The following KANK2 variants were observed in gnomAD, a reference collection of about 807,000 sequenced individuals.
The protein encoded by KANK2 is KN motif and ankyrin repeat domain-containing protein 2.
KANK2 carries 41 observed loss-of-function variants against 74.6 expected under a neutral mutation model. That is an observed-to-expected ratio of 0.55 (90% confidence interval 0.43 to 0.71). The LOEUF is 0.71. Ranked by LOEUF, KANK2 falls within the 30% of genes least tolerant of loss-of-function variation. The pLI, the probability that KANK2 is intolerant of heterozygous loss-of-function variation, is 0.00. For synonymous variants in KANK2, 537 were observed against 519.0 expected (o/e 1.03, Z -0.47); for missense variants, 1,148 against 1,196.4 (o/e 0.96, Z 0.60).
At chr19:11,190,419 G>C (rs2078808707) in intron 4 of KANK2, among the ~76,000 whole-genome samples, 1 of 151,996 alleles carries the variant, frequency 6.6e-6, no homozygotes, top group Non-Finnish European at 1.5e-5. Flanking sequence ...TGATGTTCTG[G>C]GTTTGGATAC....
chr19:11,182,266 G>A (rs1010309284), intron 4 of KANK2, among the ~76,000 whole-genome samples: 16 of 151,466 alleles, frequency 1.1e-4, no homozygotes, highest in Non-Finnish European at 1.9e-4. Context: ...TGTAAATGGC[G>A]AAAAAATTTG....
At chr19:11,174,957 CTTTT>C (rs573242892) in intron 8 of KANK2, among the ~76,000 whole-genome samples, 1 of 140,912 alleles carries the variant, frequency 7.1e-6, no homozygotes, top group Admixed American at 7.1e-5. Flanking sequence ...CTCTCTCTCT[CTTTT>C]TTTTTTTTTT....
chr19:11,186,628 G>C (rs1489235279), intron 4 of KANK2, among the ~76,000 whole-genome samples: 1 of 152,102 alleles, frequency 6.6e-6, no homozygotes, highest in African/African-American at 2.4e-5. Flanking sequence ...GAACCCGGGA[G>C]GTGGAGGTTG....
intron 9 of KANK2, 142 bp from the exon 10 acceptor site, chr19:11,173,265 G>A: frequency 1.2e-6 from 1 of 808,650 alleles, no homozygotes; most frequent in South Asian, 2.8e-5. Context: ...CTGCCCTAGA[G>A]GTCTCCATCT....
intron 12 of KANK2, among the ~76,000 whole-genome samples, chr19:11,168,445 A>G (rs1331628479): frequency 6.6e-6 from 1 of 151,180 alleles, no homozygotes; most frequent in Admixed American, 6.6e-5. Flanking sequence ...ACAGGCATGC[A>G]CCTGTATTTT....
At chr19:11,178,177 C>T (rs574746012) in intron 6 of KANK2, among the ~76,000 whole-genome samples, 168 bp downstream of exon 6, 7 of 152,172 alleles carry the variant, frequency 4.6e-5, no homozygotes, top group African/African-American at 9.7e-5. Flanking sequence ...TCCAGAAATG[C>T]GCTTAGCCTT....
chr19:11,192,896 G>A lies in KANK2; in HGVS notation c.1184C>T (p.Ala395Val), dbSNP rs1312763168. Residue 395 changes from alanine (A) to valine (V), a missense_variant, in exon 4 of 13, where the codon GCT becomes GTT. By Grantham distance (64) the Ala-to-Val change is moderately conservative (BLOSUM62 0). Coordinates refer to ENST00000586659, the MANE Select transcript of KANK2 (RefSeq NM_001136191.3). ...VETMCPVPAA[A>V]TSNVHMVKKI... ...CTTCACCATATGGACGTTGCTGGTAGCTGCAGCGGGCACTGGGCACATTGT... is the reference window on the plus strand; with the variant it reads ...CTTCACCATATGGACGTTGCTGGTAACTGCAGCGGGCACTGGGCACATTGT... 1 of 1,614,068 alleles carries A rather than the reference G, an allele frequency of 6.2e-7. No individual in the cohort carries two copies.
In KANK2 at chr19:11,181,990, T is replaced by TC. The variant is rs2078533936; in HGVS notation, c.1250-3271dup. 2.0e-4 allele frequency among the ~76,000 whole-genome samples: 29 copies of TC among 148,168 alleles called. No individual in the cohort carries two copies. In the Admixed American group the frequency reaches 2.0e-3, roughly 10 times the overall value. On this transcript the variant is annotated intron_variant, in intron 4 of 12. Transcript: ENST00000586659. Reference sequence around the variant, plus strand: ...TGGAGTGCAGTGATGCGATCTTGGCTCACTGCAACCTCTGCCTCCTGGGTT... The same window carrying TC: ...TGGAGTGCAGTGATGCGATCTTGGCTCCACTGCAACCTCTGCCTCCTGGGTT...
At chr19:11,176,495 C>G (rs753391125) in intron 7 of KANK2, 83 bp downstream of exon 7, 9 of 1,461,052 alleles carry the variant, frequency 6.2e-6, no homozygotes, top group Admixed American at 2.4e-5. Context: ...GAGGGTCCTT[C>G]AAAGGGCTTG....
intron 4 of KANK2, among the ~76,000 whole-genome samples, chr19:11,183,632 G>A (rs1017033148): frequency 6.6e-6 from 1 of 151,904 alleles, no homozygotes; most frequent in African/African-American, 2.4e-5. Flanking sequence ...GGGACTACAG[G>A]CATGCACCAC....
chr19:11,189,098 T>TCCCCCC (rs71297565), intron 4 of KANK2, among the ~76,000 whole-genome samples: 281 of 126,476 alleles, frequency 2.2e-3, no homozygotes, highest in Middle Eastern at 3.9e-3. Context: ...ATTGATTCTC[T>TCCCCCC]CCCCCCCCAC....
intron 9 of KANK2, 21 bp from the exon 10 acceptor site, chr19:11,173,144 C>A (rs1315493859): frequency 6.2e-7 from 1 of 1,603,288 alleles, no homozygotes; most frequent in Admixed American, 1.7e-5. Context: ...TGGTGTGAAC[C>A]CTCAGACCAG....
Position 11,173,056 on chromosome 19 carries a change from G to A in KANK2, c.2136C>T (p.Thr712=). Residue 712 remains threonine (T), a synonymous_variant, in exon 10 of 13, where the codon ACC becomes ACT. Transcript: ENST00000586659. ...TCTCGATGTCGTCCTGGGTCTTCAG[G>A]GTGGCCAGGGCGGTGAGCATAATAG... ...YSPIMLTALA[T]LKTQDDIETV... The A allele has an allele frequency of 6.2e-7, 1 of 1,614,104 alleles. No individual in the cohort carries two copies. The highest frequency in any genetic ancestry group is 8.5e-7 in the Non-Finnish European group (1 of 1,180,006).
At chr19:11,182,576 G>A (rs183321876) in intron 4 of KANK2, among the ~76,000 whole-genome samples, 2 of 149,868 alleles carry the variant, frequency 1.3e-5, no homozygotes, top group Non-Finnish European at 3.0e-5. Flanking sequence ...AGGCGCGGTG[G>A]CTCACGATTG....
chr19:11,182,556 C>A (rs796761304), intron 4 of KANK2, among the ~76,000 whole-genome samples: 1,562 of 132,248 alleles, frequency 0.012, 25 homozygotes, highest in African/African-American at 0.032. Flanking sequence ...CAAAACAAAA[C>A]AAAAAAGCCA....
chr19:11,180,877 G>C (rs2078493921), intron 4 of KANK2, among the ~76,000 whole-genome samples: 1 of 151,780 alleles, frequency 6.6e-6, no homozygotes, highest in East Asian at 1.9e-4. Context: ...CTTGAAGTCA[G>C]GAATTAAGAG....
At chr19:11,175,459 AT>A (rs906584973) in intron 8 of KANK2, among the ~76,000 whole-genome samples, 4 of 147,720 alleles carry the variant, frequency 2.7e-5, no homozygotes, top group Non-Finnish European at 4.5e-5. Flanking sequence ...AAAAAAAAGA[AT>A]TTTTTTGTAG....
chr19:11,191,319 G>A (rs1031305999), intron 4 of KANK2, among the ~76,000 whole-genome samples: 3 of 152,232 alleles, frequency 2.0e-5, no homozygotes, highest in Non-Finnish European at 2.9e-5. Flanking sequence ...GATTACAGGC[G>A]TGAGCCACTG....
chr19:11,169,997 C>T, intron 11 of KANK2, 31 bp from the exon 12 acceptor site: 1 of 1,612,914 alleles, frequency 6.2e-7, no homozygotes, highest in Non-Finnish European at 8.5e-7. Context: ...TGAATGACGT[C>T]CCCATGCTGT....
Sources: allele counts gnomAD v4.1 joint callset (sites outside exome capture counted in the v4.1 genomes callset), GRCh38; gene constraint gnomAD v4.1.1; transcripts MANE v1.5; gene names NCBI Gene and HGNC (gene_info 2026-07-23, HGNC 2026-07-21).